The following AKAP6 variants were observed in gnomAD, a reference collection of about 807,000 sequenced individuals.
AKAP6 encodes the protein A-kinase anchor protein 6.
Under a neutral mutation model 188.5 loss-of-function variants are expected in AKAP6, and 58 were observed. The observed-to-expected ratio is 0.31, with a 90% CI of 0.25 to 0.38. The LOEUF (loss-of-function observed/expected upper bound fraction) is 0.38, where lower values mean the gene tolerates loss of function less well. Ranked by LOEUF, AKAP6 falls within the 10% of genes least tolerant of loss-of-function variation. AKAP6 has a pLI of 1.00. For synonymous variants in AKAP6, 989 were observed against 998.6 expected (o/e 0.99, Z 0.18); for missense variants, 2,710 against 2,740.0 (o/e 0.99, Z 0.24).
At chr14:32,435,493 A>C (rs1358229691) in intron 2 of AKAP6, among the ~76,000 whole-genome samples, 4 of 152,142 alleles carry the variant, frequency 2.6e-5, no homozygotes, top group South Asian at 2.1e-4. Context: ...TGAGAAACCA[A>C]CTCTAGGGTT....
chr14:32,655,263 C>G (rs1026979933), intron 7 of AKAP6, among the ~76,000 whole-genome samples: 1 of 152,090 alleles, frequency 6.6e-6, no homozygotes, highest in African/African-American at 2.4e-5. Context: ...TTCCTTATAC[C>G]TTGATGTCTC....
intron 2 of AKAP6, among the ~76,000 whole-genome samples, chr14:32,507,381 G>C (rs2139005219): frequency 6.6e-6 from 1 of 152,250 alleles, no homozygotes; most frequent in East Asian, 1.9e-4. Context: ...AAGGTGGAAG[G>C]CTTTACAATT....
At chr14:32,372,260 A>AT (rs759850031) in intron 1 of AKAP6, among the ~76,000 whole-genome samples, 3 of 151,672 alleles carry the variant, frequency 2.0e-5, no homozygotes, top group South Asian at 2.1e-4. Flanking sequence ...TTAATGTAAC[A>AT]TTTTTTTCTT....
At chr14:32,466,202 T>G (rs528789106) in intron 2 of AKAP6, among the ~76,000 whole-genome samples, 1 of 152,310 alleles carries the variant, frequency 6.6e-6, no homozygotes, top group South Asian at 2.1e-4. Flanking sequence ...GAAATACTAT[T>G]TGACCCAACA....
chr14:32,355,132 T>G (rs192991492), intron 1 of AKAP6, among the ~76,000 whole-genome samples: 19 of 152,358 alleles, frequency 1.2e-4, no homozygotes, highest in African/African-American at 4.1e-4. Context: ...CTTCAATACA[T>G]TTCTTTTTAC....
intron 12 of AKAP6, among the ~76,000 whole-genome samples, chr14:32,776,017 C>G (rs1357577734): frequency 6.6e-6 from 1 of 152,192 alleles, no homozygotes; most frequent in Non-Finnish European, 1.5e-5. Context: ...AGATATTTCT[C>G]TGCTTCTTAT....
rs556002707 is a variant in AKAP6 at position 32,472,202 on chromosome 14, C to T, written c.324+38385C>T. ...ATTCCTACCCAGAACTCTAAAGTGG[C>T]TCCCCTTTTCCCCCAGGCTTTATAC... On this transcript the variant is annotated intron_variant, in intron 2 of 13. Coordinates refer to ENST00000280979, the MANE Select transcript of AKAP6 (RefSeq NM_004274.5). 1.1e-4 allele frequency among the ~76,000 whole-genome samples: 16 copies of T among 152,196 alleles called. No individual in the cohort carries two copies. The South Asian group carries it at 3.3e-3, about 32-fold the overall frequency.
intron 11 of AKAP6, among the ~76,000 whole-genome samples, chr14:32,772,396 T>G (rs2139989112): frequency 6.6e-6 from 1 of 152,244 alleles, no homozygotes; most frequent in South Asian, 2.1e-4. Context: ...ATAATAAAAT[T>G]TCTAGTCATA....
chr14:32,538,738 A>T (rs1882794157), intron 3 of AKAP6, among the ~76,000 whole-genome samples: 1 of 152,180 alleles, frequency 6.6e-6, no homozygotes, highest in Admixed American at 6.5e-5. Flanking sequence ...AAGGTGAGGG[A>T]TATTAAAAGT....
chr14:32,725,349 G>GCCTACTCC (rs1219843926), intron 9 of AKAP6, among the ~76,000 whole-genome samples: 1 of 152,208 alleles, frequency 6.6e-6, no homozygotes, highest in African/African-American at 2.4e-5. Context: ...TAGCTCGGCA[G>GCCTACTCC]CCTACTCCCC....
chr14:32,505,946 AAGT>A (rs1880851178), intron 2 of AKAP6, among the ~76,000 whole-genome samples: 1 of 152,108 alleles, frequency 6.6e-6, no homozygotes, highest in African/African-American at 2.4e-5. Context: ...AGTGTTGGGT[AAGT>A]AAGCAGGGTT....
chr14:32,799,268 T>C (rs557985800), intron 12 of AKAP6, among the ~76,000 whole-genome samples: 6 of 152,300 alleles, frequency 3.9e-5, no homozygotes, highest in Non-Finnish European at 8.8e-5. Context: ...CTGGCTGATA[T>C]AGTTGATTTT....
intron 11 of AKAP6, among the ~76,000 whole-genome samples, chr14:32,750,267 A>T (rs1401232839): frequency 2.0e-5 from 3 of 152,078 alleles, no homozygotes; most frequent in African/African-American, 7.2e-5. Context: ...TTTACAATTT[A>T]AAAATGAGCT....
At position 32,594,578 on chromosome 14, in the gene AKAP6, G is replaced by A. The variant is rs1885614683; in HGVS notation, c.2470-4832G>A. ...TCTTTGGATGGCATTGTGGAGAGGA[G>A]AAGAGAAACTACACAGAGGATCATG... On this transcript the variant is annotated intron_variant, in intron 5 of 13. Transcript: ENST00000280979. 2.6e-5 allele frequency among the ~76,000 whole-genome samples: 4 copies of A among 152,258 alleles called. No individual in the cohort carries two copies. The South Asian group carries it at 8.3e-4, about 32-fold the overall frequency.
intron 11 of AKAP6, among the ~76,000 whole-genome samples, chr14:32,769,037 A>ATTTTTTGTTTTTTTTT (rs2032807383): frequency 1.8e-5 from 1 of 56,926 alleles, no homozygotes; most frequent in South Asian, 9.8e-4. Flanking sequence ...TGCTCTTTTG[A>ATTTTTTGTTTTTTTTT]TTTTTTTTTT....
At chr14:32,813,670 T>C (rs186832679) in intron 12 of AKAP6, among the ~76,000 whole-genome samples, 190 of 152,180 alleles carry the variant, frequency 1.2e-3, no homozygotes, top group Middle Eastern at 6.8e-3. Context: ...AGCTTCTTAA[T>C]CAAAATAGCA....
Position 32,824,526 on chromosome 14 carries a change from G to A in AKAP6, c.6713G>A (p.Cys2238Tyr). 1.2e-6 allele frequency: 2 copies of A among 1,613,932 alleles called. No individual in the cohort carries two copies. Among genetic ancestry groups the A allele is most frequent in the South Asian group, 1.1e-5 (1 of 91,078 alleles). Residue 2238 changes from cysteine to tyrosine, a missense_variant, in exon 13 of 14, where the codon TGT (cysteine) becomes TAT (tyrosine). By Grantham distance (194) the Cys-to-Tyr change is radical. This residue lies in a region of AKAP6 where 2,473 missense variants were observed against 2,426.1 expected (regional missense o/e 1.02). Transcript: ENST00000280979. Reference sequence around the variant, plus strand: ...GGTTTGCCCCAAACTTCCAGTGGCTGTGCAGAAAACTTAGAGTTTACTCCT... The same window carrying A: ...GGTTTGCCCCAAACTTCCAGTGGCTATGCAGAAAACTTAGAGTTTACTCCT... The part of the protein sequence containing the change: ...VNGLPQTSSG[C>Y]AENLEFTPSK...
intron 11 of AKAP6, among the ~76,000 whole-genome samples, chr14:32,751,421 A>G (rs916765707): frequency 1.1e-4 from 16 of 150,862 alleles, no homozygotes; most frequent in Non-Finnish European, 2.2e-4. Context: ...AAGAGAAGAT[A>G]TGCTTCTCTT....
chr14:32,668,287 A>G (rs960357269), intron 7 of AKAP6, among the ~76,000 whole-genome samples: 3 of 152,166 alleles, frequency 2.0e-5, no homozygotes, highest in African/African-American at 7.2e-5. Context: ...GTGGTAGTAG[A>G]TAAAAGCTCT....
Sources: gnomAD v4.1 joint callset for allele counts (sites outside exome capture counted in the v4.1 genomes callset) on GRCh38, gnomAD v4.1.1 for gene constraint, gnomAD v4.1.1 regional missense constraint, MANE v1.5 for transcripts, NCBI Gene and HGNC (gene_info 2026-07-23, HGNC 2026-07-21) for gene names.